MIS18A: variants seen among roughly 807,000 people sequenced by gnomAD.
MIS18A encodes the protein protein Mis18-alpha.
In MIS18A, 14 loss-of-function variants were observed where a neutral mutation model predicts 25.0. The ratio of observed to expected loss-of-function variants is 0.56; its 90% CI spans 0.37 to 0.88. The LOEUF is 0.88. Ranked by LOEUF, MIS18A falls within the 40% of genes least tolerant of loss-of-function variation. The pLI is 0.00. For missense variants in MIS18A, 292 were observed against 290.8 expected (o/e 1.00, Z -0.03); for synonymous variants, 134 against 118.6 (o/e 1.13, Z -0.84).
At chr21:32,246,224 T>G in the MIS18A span, among the ~76,000 whole-genome samples, 2 of 152,102 alleles carry the variant, frequency 1.3e-5, no homozygotes, top group Non-Finnish European at 2.9e-5. Context: ...AACAAGAGAT[T>G]TGGGCAGAGA....
the MIS18A span, among the ~76,000 whole-genome samples, chr21:32,239,589 G>T: frequency 6.6e-6 from 1 of 152,254 alleles, no homozygotes; most frequent in African/African-American, 2.4e-5. Context: ...CCCCACGAAG[G>T]TGCCATCGCA....
At chr21:32,237,129 G>C in the MIS18A span, among the ~76,000 whole-genome samples, 2 of 143,062 alleles carry the variant, frequency 1.4e-5, no homozygotes, top group African/African-American at 5.2e-5. Flanking sequence ...GTTGCTTTCA[G>C]AAGAAAGCTA....
At chr21:32,232,290 A>T in the MIS18A span, among the ~76,000 whole-genome samples, 1 of 151,946 alleles carries the variant, frequency 6.6e-6, no homozygotes. Flanking sequence ...TTTCTTTATC[A>T]TTCATAGATA....
the MIS18A span, among the ~76,000 whole-genome samples, chr21:32,162,325 T>C: frequency 7.9e-5 from 12 of 152,206 alleles, no homozygotes; most frequent in Non-Finnish European, 7.3e-5. Context: ...ACTCCAGGCA[T>C]GGGAAGCCCC....
chr21:32,241,433 G>A, the MIS18A span, among the ~76,000 whole-genome samples: 1 of 151,898 alleles, frequency 6.6e-6, no homozygotes, highest in Non-Finnish European at 1.5e-5. Flanking sequence ...ACCCCAAATG[G>A]TAACTTAAGT....
rs1268891233 is a variant in MIS18A at position 32,270,549 on chromosome 21, T to A, written c.402-20A>T. On this transcript the variant is annotated intron_variant, in intron 2 of 4. Transcript: ENST00000290130. ...AGGACGCTGCAATAAAGAAATGTCTTGCTTTAGGAAACGAAGCAGCAACTC... is the reference window on the plus strand; with the variant it reads ...AGGACGCTGCAATAAAGAAATGTCTAGCTTTAGGAAACGAAGCAGCAACTC... 1 of 1,513,752 alleles carries A rather than the reference T, an allele frequency of 6.6e-7. No homozygotes were observed. Among genetic ancestry groups the A allele is most frequent in the East Asian group, 2.4e-5 (1 of 41,840 alleles). The allele number at this position is 1,513,752 out of a possible 1,614,324, so 93.8% of individuals were successfully genotyped here.
the MIS18A span, among the ~76,000 whole-genome samples, chr21:32,185,435 G>A: frequency 6.6e-6 from 1 of 152,118 alleles, no homozygotes; most frequent in African/African-American, 2.4e-5. Flanking sequence ...GTGCTCCCAT[G>A]GGGAGGTCTG....
chr21:32,188,047 C>T, the MIS18A span, among the ~76,000 whole-genome samples: 122 of 152,124 alleles, frequency 8.0e-4, 1 homozygote, highest in Non-Finnish European at 1.4e-3. Context: ...CTCCATCATG[C>T]GAAGACACAG....
the MIS18A span, among the ~76,000 whole-genome samples, chr21:32,236,452 A>G: frequency 9.1e-6 from 1 of 110,208 alleles, no homozygotes; most frequent in Non-Finnish European, 1.8e-5. Context: ...CAGAAACCCA[A>G]AATAACACTG....
At chr21:32,278,637 G>A (rs1270005402) in intron 1 of MIS18A, 44 bp downstream of exon 1, 36 of 1,460,260 alleles carry the variant, frequency 2.5e-5, no homozygotes, top group Admixed American at 2.5e-4. Flanking sequence ...ACCCCTGGAA[G>A]AAGGCGACCC....
At chr21:32,166,136 T>C in the MIS18A span, among the ~76,000 whole-genome samples, 2 of 152,286 alleles carry the variant, frequency 1.3e-5, no homozygotes, top group Non-Finnish European at 1.5e-5. Flanking sequence ...GGACAATTTT[T>C]AGGTGAATGT....
chr21:32,156,805 A>AC, the MIS18A span, among the ~76,000 whole-genome samples: 10,844 of 152,010 alleles, frequency 0.071, 1,278 homozygotes, highest in African/African-American at 0.25. Context: ...TGGGAGGGGC[A>AC]CCATGTAAAA....
the MIS18A span, among the ~76,000 whole-genome samples, chr21:32,184,185 G>A: frequency 1.3e-5 from 2 of 152,256 alleles, no homozygotes; most frequent in Non-Finnish European, 2.9e-5. Flanking sequence ...TATCATCCCC[G>A]CTCAGGAAAT....
the MIS18A span, among the ~76,000 whole-genome samples, chr21:32,186,714 C>T: frequency 6.6e-6 from 1 of 152,152 alleles, no homozygotes; most frequent in African/African-American, 2.4e-5. Context: ...AAACAAAGTA[C>T]CATTCACACG....
Position 32,276,011 on chromosome 21 carries a change from T to C in MIS18A, c.335-1115A>G, listed in dbSNP as rs186341986. The stretch of plus-strand genomic sequence containing the variant: ...ATAATAACGTACTCACTAGAACAGA[T>C]TACTACTCTTTAGAACAGACTACAA... On this transcript the variant is annotated intron_variant, in intron 1 of 4. Transcript: ENST00000290130. 1.5e-4 allele frequency among the ~76,000 whole-genome samples: 23 copies of C among 152,270 alleles called. No homozygotes were observed. In the East Asian group the frequency reaches 4.1e-3, roughly 27 times the overall value.
At chr21:32,240,345 G>A in the MIS18A span, among the ~76,000 whole-genome samples, 1 of 152,230 alleles carries the variant, frequency 6.6e-6, no homozygotes, top group African/African-American at 2.4e-5. Flanking sequence ...GAGGAGAGTT[G>A]TCCCTTCCGC....
At chr21:32,219,686 A>G in the MIS18A span, among the ~76,000 whole-genome samples, 1 of 152,150 alleles carries the variant, frequency 6.6e-6, no homozygotes, top group Non-Finnish European at 1.5e-5. Flanking sequence ...TTCCCAGAGG[A>G]TCCCACCCCC....
chr21:32,231,524 A>G, the MIS18A span, among the ~76,000 whole-genome samples: 1 of 152,188 alleles, frequency 6.6e-6, no homozygotes, highest in African/African-American at 2.4e-5. Flanking sequence ...GCTAGAATCT[A>G]AAAGACAGAT....
chr21:32,215,433 C>G, the MIS18A span, among the ~76,000 whole-genome samples: 19 of 152,144 alleles, frequency 1.2e-4, no homozygotes, highest in Non-Finnish European at 2.6e-4. Context: ...GGCTTCCCAG[C>G]AAGGCTGATT....
Sources: gnomAD v4.1 joint callset for allele counts (sites outside exome capture counted in the v4.1 genomes callset) on GRCh38, gnomAD v4.1.1 for gene constraint, MANE v1.5 for transcripts, NCBI Gene and HGNC (gene_info 2026-07-23, HGNC 2026-07-21) for gene names.